CIITA: variants seen among roughly 807,000 people sequenced by gnomAD.
The protein encoded by CIITA is MHC class II transactivator.
In CIITA, 72 loss-of-function variants were observed where a neutral mutation model predicts 115.1. The observed-to-expected ratio is 0.63, with a 90% CI of 0.52 to 0.76. CIITA has a LOEUF of 0.76. CIITA is among the 30% of genes least tolerant of loss of function. CIITA has a pLI of 0.00. For missense variants in CIITA, 1,617 were observed against 1,463.8 expected, an observed-to-expected ratio of 1.10 and a Z score of -1.71; for synonymous variants, 763 against 635.6, an observed-to-expected ratio of 1.20 and a Z score of -3.02.
chr16:10,910,346 G>T, intron 13 of CIITA, 87 bp downstream of exon 13: 30 of 1,101,436 alleles, frequency 2.7e-5, no homozygotes, highest in Non-Finnish European at 4.1e-5. Context: ...AATGGAGATA[G>T]ATCTCCAGAA....
intron 13 of CIITA, among the ~76,000 whole-genome samples, chr16:10,913,033 G>C (rs770471362): frequency 6.6e-6 from 1 of 152,212 alleles, no homozygotes; most frequent in Non-Finnish European, 1.5e-5. Flanking sequence ...CCACTCACCT[G>C]TTCACCCTTA....
At chr16:10,871,459 G>C (rs1053278891) in intron 1 of CIITA, among the ~76,000 whole-genome samples, 8 of 152,158 alleles carry the variant, frequency 5.3e-5, no homozygotes, top group Admixed American at 1.3e-4. Flanking sequence ...CTACTTTGTT[G>C]GTTGTTTTTG....
chr16:10,915,365 T>C (rs2039878557), intron 13 of CIITA, among the ~76,000 whole-genome samples: 1 of 152,060 alleles, frequency 6.6e-6, no homozygotes, highest in Non-Finnish European at 1.5e-5. Context: ...TGGCCTCTTA[T>C]GGGGGGCTAT....
Position 10,890,866 on chromosome 16 carries a change from T to G in CIITA, c.53-4416T>G, listed in dbSNP as rs371767548. On this transcript the variant is annotated intron_variant, in intron 1 of 19. Coordinates refer to ENST00000324288, the MANE Select transcript of CIITA (RefSeq NM_000246.4). ...CGCGTGACTTAACTCCCCTAATCCTTGTGAGTTGCCAATTATTATTCGCAT... is the reference window on the plus strand; with the variant it reads ...CGCGTGACTTAACTCCCCTAATCCTGGTGAGTTGCCAATTATTATTCGCAT... 2.6e-5 allele frequency among the ~76,000 whole-genome samples: 4 copies of G among 152,288 alleles called. No homozygotes were observed. In the East Asian group the frequency reaches 7.7e-4, roughly 29 times the overall value.
Position 10,934,600 on chromosome 16 carries a change from G to A in CIITA, c.*10745G>A, listed in dbSNP as rs1236605351. 2 of 152,274 alleles carry A rather than the reference G, an allele frequency of 1.3e-5. No individual in the cohort carries two copies. The highest frequency in any genetic ancestry group is 2.4e-5 in the African/African-American group (1 of 41,474). The allele number at this position is 152,274 out of a possible 1,614,324, so 9.4% of individuals were successfully genotyped here. On this transcript the variant is annotated 3_prime_UTR_variant, in exon 20 of 20. Coordinates refer to ENST00000324288, the MANE Select transcript of CIITA (RefSeq NM_000246.4). This position sits in a 1 kb window ranked among gnomAD's most constrained non-coding sequence, Gnocchi z 4.2. ...TGCCACCTCATAGATGGGTATCTGA[G>A]ATGAGTCATCGAACTTCTGCAAGCC...
chr16:10,866,355 G>T (rs372741836), intron 1 of CIITA: 89 of 568,810 alleles, frequency 1.6e-4, no homozygotes, highest in African/African-American at 1.3e-3. Flanking sequence ...AGCCCAGCCT[G>T]GTGCAGGCCC....
At position 10,902,219 on chromosome 16, in the gene CIITA, C is replaced by G. The variant is rs767872236; in HGVS notation, c.628+35C>G. ...GGGGCTTGGAGAGAGTGGGCTTTCT[C>G]CCTCTTGGGAGGTGGATAAGGAGTT... On this transcript the variant is annotated intron_variant, in intron 7 of 19. Coordinates refer to ENST00000324288, the MANE Select transcript of CIITA (RefSeq NM_000246.4). The G allele has an allele frequency of 1.9e-6, 3 of 1,613,260 alleles. No homozygotes were observed. In the African/African-American group the frequency reaches 4.0e-5, roughly 22 times the overall value.
At chr16:10,885,276 A>G (rs2036827538) in intron 1 of CIITA, among the ~76,000 whole-genome samples, 2 of 152,132 alleles carry the variant, frequency 1.3e-5, no homozygotes, top group Non-Finnish European at 2.9e-5. Context: ...ACCAATAGCA[A>G]TATCTCCAGA....
intron 1 of CIITA, among the ~76,000 whole-genome samples, chr16:10,867,415 G>A (rs988712744): frequency 6.6e-6 from 1 of 151,658 alleles, no homozygotes; most frequent in Non-Finnish European, 1.5e-5. Context: ...AAAGACAGAG[G>A]GAGAGCGAGA....
Position 10,918,277 on chromosome 16 carries a change from T to C in CIITA, c.3063-163T>C, listed in dbSNP as rs199476078. Among the ~76,000 whole-genome samples the C allele has an allele frequency of 3.6e-4, 55 of 152,264 alleles. No individual in the cohort carries two copies. Among genetic ancestry groups the C allele is most frequent in the African/African-American group, 1.3e-3 (52 of 41,554 alleles). Reference sequence around the variant, plus strand: ...CCCATCCACCTCCTCATCCCTGCCCTCCCACTTGGCCACAGGACCTAACAG... The same window carrying C: ...CCCATCCACCTCCTCATCCCTGCCCCCCCACTTGGCCACAGGACCTAACAG... On this transcript the variant is annotated intron_variant, in intron 15 of 19. Transcript: ENST00000324288.
rs2038775471 is a variant in CIITA, at chr16:10,901,716, C to T, written c.481+158C>T. 2 of 771,402 alleles carry T rather than the reference C, an allele frequency of 2.6e-6. No individual in the cohort carries two copies. The highest frequency in any genetic ancestry group is 2.2e-5 in the Admixed American group (1 of 45,638). The allele number at this position is 771,402 out of a possible 1,614,324, so 47.8% of individuals were successfully genotyped here. On this transcript the variant is annotated intron_variant, in intron 6 of 19. Coordinates refer to ENST00000324288, the MANE Select transcript of CIITA (RefSeq NM_000246.4). This position sits in a 1 kb window ranked among gnomAD's most constrained non-coding sequence, Gnocchi z 6.8. ...TGAGAGCTTGGGGTCCCTTAGAGTC[C>T]TCTAAGGGGCTCACGACTGTTTGTG...
chr16:10,873,134 G>A (rs1046115803), upstream of CIITA, among the ~76,000 whole-genome samples: 30 of 152,114 alleles, frequency 2.0e-4, no homozygotes, highest in Admixed American at 1.5e-3. Context: ...CACTATGCCC[G>A]GCTAATTTTT....
intron 1 of CIITA, among the ~76,000 whole-genome samples, chr16:10,885,709 C>T (rs1030346641): frequency 1.2e-4 from 19 of 152,260 alleles, no homozygotes; most frequent in African/African-American, 3.9e-4. Context: ...GGCTCTTGGG[C>T]ACAAATCAAG....
rs1273948746 is a variant in CIITA at position 10,935,636 on chromosome 16, C to T, written c.*11781C>T. On this transcript the variant is annotated 3_prime_UTR_variant, in exon 20 of 20. Coordinates refer to ENST00000324288, the MANE Select transcript of CIITA (RefSeq NM_000246.4). ...CTTGACAGTGGAGAGACCTGGCAGA[C>T]ACCACCTTCACCAACTGATCAAAGT... is the stretch of plus-strand genomic sequence containing the variant. 1 of 152,186 alleles carries T rather than the reference C, an allele frequency of 6.6e-6. No homozygotes were observed. Among genetic ancestry groups the T allele is most frequent in the East Asian group, 1.9e-4 (1 of 5,208 alleles). 9.4% of individuals were successfully genotyped at this position (152,186 alleles called of 1,614,324 possible). A position where few individuals can be genotyped will look rare whatever the true frequency, so the allele number is the denominator to read the frequency against.
intron 15 of CIITA, among the ~76,000 whole-genome samples, chr16:10,917,844 G>C (rs537520066): frequency 6.6e-6 from 1 of 152,208 alleles, no homozygotes; most frequent in African/African-American, 2.4e-5. Flanking sequence ...TCACAACCAA[G>C]GTCTTAGGAT....
chr16:10,882,633 C>T (rs1008813360), intron 1 of CIITA, among the ~76,000 whole-genome samples: 5 of 152,076 alleles, frequency 3.3e-5, no homozygotes, highest in African/African-American at 1.2e-4. Context: ...CATGGTGGCT[C>T]ACACCTGTAA....
At position 10,929,113 on chromosome 16, in the gene CIITA, A is replaced by T. The variant is rs1470184030; in HGVS notation, c.*5258A>T. ...GCGAGAATCCCACCCTCAGCCCCCC[A>T]ACAGCTTCCTCAGCTTCTTTTTCTT... On this transcript the variant is annotated 3_prime_UTR_variant, in exon 20 of 20. Transcript: ENST00000324288. The surrounding 1 kb of genome is among the most constrained non-coding windows in gnomAD (Gnocchi z 4.3). 1.4e-6 allele frequency: 1 copy of T among 739,378 alleles called. No individual in the cohort carries two copies. Among genetic ancestry groups the T allele is most frequent in the African/African-American group, 1.9e-5 (1 of 52,254 alleles). The allele number at this position is 739,378 out of a possible 1,614,324, so 45.8% of individuals were successfully genotyped here. A position where few individuals can be genotyped will look rare whatever the true frequency, so the allele number is the denominator to read the frequency against.
At chr16:10,886,057 CTT>C (rs71133402) in intron 1 of CIITA, among the ~76,000 whole-genome samples, 13 of 132,158 alleles carry the variant, frequency 9.8e-5, no homozygotes, top group African/African-American at 1.7e-4. Flanking sequence ...CATGTTTTGC[CTT>C]TTTTTTTTTT....
intron 1 of CIITA, among the ~76,000 whole-genome samples, chr16:10,881,221 C>T (rs890296667): frequency 2.6e-5 from 4 of 151,446 alleles, no homozygotes; most frequent in Admixed American, 1.3e-4. Flanking sequence ...GGAGTTTACC[C>T]GAGAGGTGGA....
Sources: allele counts gnomAD v4.1 joint callset (sites outside exome capture counted in the v4.1 genomes callset), GRCh38; gene constraint gnomAD v4.1.1; non-coding constraint Gnocchi (gnomAD v3.1); transcripts MANE v1.5; gene names NCBI Gene and HGNC (gene_info 2026-07-23, HGNC 2026-07-21).